The following MAN2A1 variants were observed in gnomAD, a reference collection of about 807,000 sequenced individuals.
MAN2A1 encodes the protein mannosidase alpha class 2A member 1, also known as alpha-mannosidase 2.
A neutral mutation model predicts 142.6 loss-of-function variants in MAN2A1; 76 were observed. The ratio of observed to expected loss-of-function variants is 0.53; its 90% CI spans 0.44 to 0.65. The LOEUF (loss-of-function observed/expected upper bound fraction) is 0.65. Ranked by LOEUF, MAN2A1 falls within the 30% of genes least tolerant of loss-of-function variation. MAN2A1 has a pLI of 0.00. For synonymous variants in MAN2A1, 559 were observed against 473.2 expected, an observed-to-expected ratio of 1.18 and a Z score of -2.35; for missense variants, 1,311 against 1,365.1, an observed-to-expected ratio of 0.96 and a Z score of 0.62.
chr5:109,847,622 G>A, intron 18 of MAN2A1, 35 bp from the exon 19 acceptor site: 1 of 1,454,552 alleles, frequency 6.9e-7, no homozygotes, highest in South Asian at 1.5e-5. Context: ...AAATTATTCT[G>A]GTCAGTTTTG....
At chr5:109,758,934 G>C (rs1286784531) in intron 5 of MAN2A1, among the ~76,000 whole-genome samples, 1 of 151,892 alleles carries the variant, frequency 6.6e-6, no homozygotes, top group Non-Finnish European at 1.5e-5. Flanking sequence ...TGGACTCTCA[G>C]TTCTGTTTCC....
chr5:109,809,949 T>G (rs1214235776), intron 12 of MAN2A1, among the ~76,000 whole-genome samples: 1 of 152,162 alleles, frequency 6.6e-6, no homozygotes, highest in Non-Finnish European at 1.5e-5. Context: ...TGTATGTTTT[T>G]TATTGACTTC....
intron 4 of MAN2A1, among the ~76,000 whole-genome samples, chr5:109,752,167 C>A (rs987708157): frequency 1.3e-5 from 2 of 152,110 alleles, no homozygotes; most frequent in African/African-American, 2.4e-5. Context: ...ACCATTGATA[C>A]TTTTTCATGT....
At chr5:109,861,957 G>C (rs771418575) in intron 20 of MAN2A1, among the ~76,000 whole-genome samples, 5 of 152,104 alleles carry the variant, frequency 3.3e-5, no homozygotes, top group Non-Finnish European at 7.4e-5. Flanking sequence ...AGATTTTCTC[G>C]TATATTTACA....
chr5:109,841,507 G>A (rs963933070), intron 16 of MAN2A1, among the ~76,000 whole-genome samples: 1 of 152,134 alleles, frequency 6.6e-6, no homozygotes, highest in Non-Finnish European at 1.5e-5. Flanking sequence ...CCCTTGATCT[G>A]TATTAAGTGT....
chr5:109,732,974 A>G (rs1424327139), intron 4 of MAN2A1, among the ~76,000 whole-genome samples: 1 of 152,138 alleles, frequency 6.6e-6, no homozygotes, highest in Non-Finnish European at 1.5e-5. Flanking sequence ...TTTTCACAAT[A>G]TTGATTCTTT....
At chr5:109,693,243 T>C (rs1351264885) in intron 1 of MAN2A1, among the ~76,000 whole-genome samples, 1 of 152,144 alleles carries the variant, frequency 6.6e-6, no homozygotes, top group African/African-American at 2.4e-5. Context: ...TGAAAACCAT[T>C]GTGTAGTCCA....
chr5:109,719,988 GACC>G (rs1399353376), intron 3 of MAN2A1, among the ~76,000 whole-genome samples: 2 of 152,120 alleles, frequency 1.3e-5, no homozygotes, highest in Non-Finnish European at 2.9e-5. Flanking sequence ...TTGAATCATA[GACC>G]ATGAAATTAA....
At chr5:109,739,476 G>A (rs1752203530) in intron 4 of MAN2A1, among the ~76,000 whole-genome samples, 1 of 152,048 alleles carries the variant, frequency 6.6e-6, no homozygotes, top group South Asian at 2.1e-4. Context: ...TGTGTTTTGG[G>A]AGATTTTTCC....
chr5:109,792,072 G>C (rs1326749549), intron 12 of MAN2A1, among the ~76,000 whole-genome samples: 3 of 152,112 alleles, frequency 2.0e-5, no homozygotes, highest in African/African-American at 7.2e-5. Context: ...TATCAACTAA[G>C]ATATAAAAAG....
intron 1 of MAN2A1, among the ~76,000 whole-genome samples, chr5:109,711,536 C>A (rs1213961430): frequency 6.6e-6 from 1 of 152,212 alleles, no homozygotes; most frequent in Non-Finnish European, 1.5e-5. Flanking sequence ...TGGAGAATCA[C>A]TTGTAACCAA....
At chr5:109,819,567 T>TA in intron 13 of MAN2A1, 102 bp from the exon 14 acceptor site, 1 of 648,608 alleles carries the variant, frequency 1.5e-6, no homozygotes, top group Non-Finnish European at 2.5e-6. Flanking sequence ...ATTCTCTTTT[T>TA]AAAAAATATG....
intron 16 of MAN2A1, chr5:109,840,130 T>C: frequency 5.4e-6 from 1 of 186,362 alleles, no homozygotes; most frequent in South Asian, 1.2e-4. Flanking sequence ...CAGAAATCAT[T>C]TGTTCCAGTT....
intron 8 of MAN2A1, among the ~76,000 whole-genome samples, chr5:109,779,551 ACACACACACGCGTG>A (rs973168076): frequency 8.4e-6 from 1 of 118,732 alleles, no homozygotes; most frequent in African/African-American, 3.8e-5. Context: ...TTATGGTTAC[ACACACACACGCGTG>A]CACACACACA....
intron 12 of MAN2A1, among the ~76,000 whole-genome samples, chr5:109,795,707 C>G (rs35929944): frequency 2.4e-3 from 367 of 152,242 alleles, no homozygotes; most frequent in Non-Finnish European, 4.3e-3. Context: ...ATGTCTACCC[C>G]CAAGGCTTTC....
At chr5:109,808,009 C>CA in intron 12 of MAN2A1, among the ~76,000 whole-genome samples, 1 of 152,182 alleles carries the variant, frequency 6.6e-6, no homozygotes, top group Non-Finnish European at 1.5e-5. Flanking sequence ...ATCAACTGCA[C>CA]AAAAAGCTCC....
At chr5:109,710,507 G>A (rs1050833063) in intron 1 of MAN2A1, among the ~76,000 whole-genome samples, 1 of 150,188 alleles carries the variant, frequency 6.7e-6, no homozygotes, top group Non-Finnish European at 1.5e-5. Context: ...ATAAAATGTG[G>A]TATTTTTTTT....
At chr5:109,718,370 A>G (rs374086560) in intron 3 of MAN2A1, among the ~76,000 whole-genome samples, 1 of 152,222 alleles carries the variant, frequency 6.6e-6, no homozygotes, top group African/African-American at 2.4e-5. Context: ...TAATAATAAA[A>G]TCCATGGTTT....
rs368885839 is a variant in MAN2A1, at chr5:109,767,515, CTT to C, written c.836-19_836-18del. On this transcript the variant is annotated intron_variant, in intron 5 of 21. Transcript: ENST00000261483. ...CATATATCAATTAAAAAAATTAACA[CTT>C]ATCATCTTTATCCACAGGAGTGAAA... 2,185 of 1,598,360 alleles carry C rather than the reference CTT, an allele frequency of 1.4e-3. 58 individuals carry two copies. In the South Asian group the frequency reaches 0.023, roughly 17 times the overall value.
Sources: gnomAD v4.1 joint callset for allele counts (sites outside exome capture counted in the v4.1 genomes callset) on GRCh38, gnomAD v4.1.1 for gene constraint, MANE v1.5 for transcripts, NCBI Gene and HGNC (gene_info 2026-07-23, HGNC 2026-07-21) for gene names.